MYRIP: variants seen among roughly 807,000 people sequenced by gnomAD.
MYRIP encodes the protein myosin VIIA and Rab interacting protein.
MYRIP carries 49 observed loss-of-function variants against 98.0 expected under a neutral mutation model. That is an observed-to-expected ratio of 0.50 (90% CI 0.40 to 0.63). The LOEUF (loss-of-function observed/expected upper bound fraction) is 0.63, where lower values mean the gene tolerates loss of function less well. Ranked by LOEUF, MYRIP falls within the 30% of genes least tolerant of loss-of-function variation. The probability of loss-of-function intolerance (pLI) is 0.00; values close to 1 mark genes in which losing one functional copy is unlikely to be tolerated. For synonymous variants in MYRIP, 404 were observed against 409.5 expected (o/e 0.99, Z 0.16); for missense variants, 1,004 against 1,058.2 (o/e 0.95, Z 0.71).
intron 13 of MYRIP, chr3:40,248,546 G>A (rs892901131): frequency 1.3e-5 from 2 of 152,182 alleles, no homozygotes; most frequent in African/African-American, 2.4e-5. Context: ...CTCTTTCTTT[G>A]TCCTTTGTCC....
chr3:40,212,245 C>T (rs71614195), intron 11 of MYRIP, among the ~76,000 whole-genome samples: 66,517 of 72,474 alleles, frequency 0.92, 30,584 homozygotes, highest in Non-Finnish European at 0.99. Context: ...CACACACACA[C>T]ATATATATAT....
At chr3:40,173,181 A>G (rs1950660649) in intron 8 of MYRIP, 1 of 152,172 alleles carries the variant, frequency 6.6e-6, no homozygotes, top group Admixed American at 6.5e-5. Flanking sequence ...ACGGGCTTTC[A>G]CATATTGTTT....
chr3:39,948,949 C>T (rs909224777), intron 2 of MYRIP, among the ~76,000 whole-genome samples: 3 of 152,068 alleles, frequency 2.0e-5, no homozygotes, highest in Non-Finnish European at 4.4e-5. Flanking sequence ...CAGACAGATA[C>T]TTGATTGTCA....
At chr3:39,931,133 C>T (rs558929491) in intron 2 of MYRIP, among the ~76,000 whole-genome samples, 1 of 152,112 alleles carries the variant, frequency 6.6e-6, no homozygotes, top group South Asian at 2.1e-4. Context: ...AGAGTACTGA[C>T]ATTTTATTAT....
In MYRIP at chr3:40,043,427, G is replaced by A. The variant is rs140955325; in HGVS notation, c.111-623G>A. Among the ~76,000 whole-genome samples, 108 of 152,094 alleles carry A rather than the reference G, an allele frequency of 7.1e-4. 1 individual carries two copies. The East Asian group carries it at 0.017, about 24-fold the overall frequency. On this transcript the variant is annotated intron_variant, in intron 2 of 16. Coordinates refer to ENST00000302541, the MANE Select transcript of MYRIP (RefSeq NM_015460.4). ...GAGCACAGAGAGAAGTGTATGCACC[G>A]TTATGTTTTGCATTAGTGTGGCTGG...
At chr3:39,892,023 G>C (rs1439229348) in intron 1 of MYRIP, among the ~76,000 whole-genome samples, 2 of 151,592 alleles carry the variant, frequency 1.3e-5, no homozygotes, top group Non-Finnish European at 2.9e-5. Context: ...TGTATTTATG[G>C]ATTTTCCGTC....
chr3:39,924,684 G>C (rs1275216837), intron 2 of MYRIP, among the ~76,000 whole-genome samples: 1 of 151,808 alleles, frequency 6.6e-6, no homozygotes, highest in Non-Finnish European at 1.5e-5. Context: ...AACTCAAATG[G>C]CAACAGAATA....
intron 2 of MYRIP, among the ~76,000 whole-genome samples, chr3:39,985,260 G>A (rs868464988): frequency 1.6e-3 from 235 of 143,684 alleles, no homozygotes; most frequent in Middle Eastern, 6.9e-3. Flanking sequence ...GGGACGTGAA[G>A]GACCTCTTCA....
intron 3 of MYRIP, among the ~76,000 whole-genome samples, chr3:40,117,847 T>A (rs774764116): frequency 3.3e-5 from 5 of 151,924 alleles, no homozygotes; most frequent in Non-Finnish European, 7.4e-5. Context: ...AAAGAAGAAA[T>A]CATGAGAGGC....
At chr3:39,845,470 G>A (rs1403731743) in intron 1 of MYRIP, among the ~76,000 whole-genome samples, 6 of 151,748 alleles carry the variant, frequency 4.0e-5, no homozygotes. Context: ...AGCTATAGTT[G>A]GGGTACTTTT....
chr3:40,034,547 G>A (rs1947334466), intron 2 of MYRIP, among the ~76,000 whole-genome samples: 1 of 151,266 alleles, frequency 6.6e-6, no homozygotes, highest in Non-Finnish European at 1.5e-5. Flanking sequence ...CAGTTAGAAT[G>A]GCAATCATTA....
Position 40,190,382 on chromosome 3 carries a change from A to G in MYRIP, c.1584A>G (p.Arg528=). The G allele has an allele frequency of 6.2e-7, 1 of 1,613,906 alleles. No individual in the cohort carries two copies. Among genetic ancestry groups the G allele is most frequent in the South Asian group, 1.1e-5 (1 of 91,078 alleles). The change falls in exon 10 of 17, where the codon AGA becomes AGG. Residue 528 remains arginine (R), a synonymous_variant. Coordinates refer to ENST00000302541, the MANE Select transcript of MYRIP (RefSeq NM_015460.4). The part of the protein sequence containing the change: ...HTTDRRARRW[R]RARLGSEEPS... ...CAGACCGGCGGGCCAGGAGGTGGAGAAGAGCCCGACTGGGCTCAGAAGAGC... is the reference window on the plus strand; with the variant it reads ...CAGACCGGCGGGCCAGGAGGTGGAGGAGAGCCCGACTGGGCTCAGAAGAGC...
chr3:40,114,722 A>G (rs1949236045), intron 3 of MYRIP, among the ~76,000 whole-genome samples: 1 of 152,240 alleles, frequency 6.6e-6, no homozygotes. Flanking sequence ...AGCCAGTATC[A>G]AGAGCTTTGG....
chr3:40,067,954 A>G (rs1429668343), intron 3 of MYRIP, among the ~76,000 whole-genome samples: 1 of 152,192 alleles, frequency 6.6e-6, no homozygotes, highest in African/African-American at 2.4e-5. Flanking sequence ...ACTCCTATCC[A>G]TATTTCTATA....
intron 2 of MYRIP, among the ~76,000 whole-genome samples, chr3:40,041,022 G>GAAAAAAAAAAAAAAAA: frequency 9.7e-5 from 4 of 41,198 alleles, no homozygotes; most frequent in Non-Finnish European, 1.9e-4. Context: ...ATTACCAGCA[G>GAAAAAAAAAAAAAAAA]AAAAAAAAAA....
intron 2 of MYRIP, among the ~76,000 whole-genome samples, chr3:39,937,660 G>C (rs1032543205): frequency 3.3e-5 from 5 of 152,230 alleles, no homozygotes; most frequent in African/African-American, 1.2e-4. Flanking sequence ...AAAGTGACCA[G>C]AGGCCCAAAA....
rs543503982 is a variant in MYRIP at position 40,107,356 on chromosome 3, G to A, written c.333-43692G>A. Among the ~76,000 whole-genome samples, 5 of 152,138 alleles carry A rather than the reference G, an allele frequency of 3.3e-5. No individual in the cohort carries two copies. The South Asian group carries it at 8.3e-4, about 25-fold the overall frequency. ...ACTCTAATTTTCAACAAAGGACCCT[G>A]AATTTATTTTTTCACTGGGCCCCAT... On this transcript the variant is annotated intron_variant, in intron 3 of 16. Coordinates refer to ENST00000302541, the MANE Select transcript of MYRIP (RefSeq NM_015460.4).
At position 39,988,077 on chromosome 3, in the gene MYRIP, G is replaced by A. The variant is rs372336190; in HGVS notation, c.111-55973G>A. ...TTGCAAGAACAAAAAACCAAACACC[G>A]CATATTCTGACTCATAGGTGGGAAT... is the stretch of plus-strand genomic sequence containing the variant. On this transcript the variant is annotated intron_variant, in intron 2 of 16. Coordinates refer to ENST00000302541, the MANE Select transcript of MYRIP (RefSeq NM_015460.4). Among the ~76,000 whole-genome samples the A allele has an allele frequency of 3.4e-4, 51 of 151,958 alleles. No homozygotes were observed. In the East Asian group the frequency reaches 6.8e-3, roughly 20 times the overall value.
chr3:40,053,034 T>G (rs1044185047), intron 3 of MYRIP, among the ~76,000 whole-genome samples: 2 of 152,198 alleles, frequency 1.3e-5, no homozygotes, highest in African/African-American at 4.8e-5. Flanking sequence ...CTTACCTCTA[T>G]TTTCCATTTA....
Sources: gnomAD v4.1 joint callset for allele counts (sites outside exome capture counted in the v4.1 genomes callset) on GRCh38, gnomAD v4.1.1 for gene constraint, MANE v1.5 for transcripts, NCBI Gene and HGNC (gene_info 2026-07-23, HGNC 2026-07-21) for gene names.